Variants in BRINP3 observed in about 807,000 individuals in gnomAD.
BRINP3 encodes the protein BMP/retinoic acid inducible neural specific 3.
In BRINP3, 19 loss-of-function variants were observed where a neutral mutation model predicts 71.0. That is an observed-to-expected ratio of 0.27 (90% CI 0.19 to 0.39). The LOEUF (loss-of-function observed/expected upper bound fraction) is 0.39, where lower values mean the gene tolerates loss of function less well. Among genes scored for constraint, BRINP3 ranks in the 10% least tolerant of loss-of-function variants. The pLI is 1.00. For missense variants in BRINP3, 959 were observed against 940.8 expected, an observed-to-expected ratio of 1.02 and a Z score of -0.25; for synonymous variants, 380 against 337.7, an observed-to-expected ratio of 1.13 and a Z score of -1.37.
Position 190,226,387 on chromosome 1 carries a change from A to T in BRINP3, c.725-69T>A, listed in dbSNP as rs61819046. 5,198 of 837,298 alleles carry T rather than the reference A, an allele frequency of 6.2e-3. 25 individuals carry two copies. The highest frequency in any genetic ancestry group is 7.7e-3 in the Non-Finnish European group (4,369 of 564,722). 51.9% of individuals were successfully genotyped at this position (837,298 alleles called of 1,614,324 possible). ...GAAAAAATTAAAATACTTATTTATA[A>T]TATTCAATCAAAACAGTAAATAATT... On this transcript the variant is annotated intron_variant, in intron 5 of 7. Coordinates refer to ENST00000367462, the MANE Select transcript of BRINP3 (RefSeq NM_199051.3).
At position 190,365,814 on chromosome 1, in the gene BRINP3, A is replaced by G. The variant is rs1010981591; in HGVS notation, c.237-84064T>C. ...ACAATGAGAGAGCAAGTGTATATAT[A>G]TATATATATATATATATATATACAC... On this transcript the variant is annotated intron_variant, in intron 2 of 7. Transcript: ENST00000367462. Among the ~76,000 whole-genome samples, 39 of 144,862 alleles carry G rather than the reference A, an allele frequency of 2.7e-4. 1 individual carries two copies. The highest frequency in any genetic ancestry group is 9.0e-4 in the African/African-American group (36 of 39,884).
chr1:190,273,591 C>A (rs1408009692), intron 3 of BRINP3, among the ~76,000 whole-genome samples: 5 of 151,456 alleles, frequency 3.3e-5, no homozygotes. Flanking sequence ...AAAAAATCAC[C>A]ATTTTAATGT....
At chr1:190,111,198 A>AC (rs1173653296) in intron 7 of BRINP3, among the ~76,000 whole-genome samples, 7 of 150,510 alleles carry the variant, frequency 4.7e-5, no homozygotes, top group Non-Finnish European at 3.0e-5. Flanking sequence ...AAAAAAAAAA[A>AC]AAAAAAAAAA....
intron 6 of BRINP3, among the ~76,000 whole-genome samples, chr1:190,193,242 A>AAAAT (rs1455325142): frequency 3.9e-5 from 6 of 152,126 alleles, no homozygotes; most frequent in African/African-American, 1.4e-4. Flanking sequence ...ATATTAAAAA[A>AAAAT]AAATAGTCAT....
At chr1:190,355,309 C>G (rs974999828) in intron 2 of BRINP3, among the ~76,000 whole-genome samples, 1 of 151,702 alleles carries the variant, frequency 6.6e-6, no homozygotes, top group African/African-American at 2.4e-5. Context: ...ACAAAATTGC[C>G]AGATTAAGGA....
intron 3 of BRINP3, among the ~76,000 whole-genome samples, chr1:190,280,564 G>T (rs1662959341): frequency 2.0e-5 from 3 of 151,834 alleles, no homozygotes. Context: ...GACATGACTT[G>T]CTGAAAGACT....
chr1:190,289,270 C>G (rs1423608537), intron 2 of BRINP3, among the ~76,000 whole-genome samples: 1 of 151,670 alleles, frequency 6.6e-6, no homozygotes, highest in African/African-American at 2.4e-5. Context: ...TTACATTTTT[C>G]CTGAAATATG....
chr1:190,191,030 G>C (rs1653988195), intron 6 of BRINP3, among the ~76,000 whole-genome samples: 1 of 152,104 alleles, frequency 6.6e-6, no homozygotes, highest in South Asian at 2.1e-4. Context: ...AATTGCATTG[G>C]AAATCAGAGC....
At chr1:190,233,729 A>G (rs1658232690) in intron 5 of BRINP3, among the ~76,000 whole-genome samples, 1 of 152,200 alleles carries the variant, frequency 6.6e-6, no homozygotes, top group African/African-American at 2.4e-5. Context: ...GTGTGTATTC[A>G]TAACCTGTTC....
At chr1:190,445,069 A>C (rs571403699) in intron 2 of BRINP3, among the ~76,000 whole-genome samples, 190 of 152,282 alleles carry the variant, frequency 1.2e-3, no homozygotes, top group African/African-American at 4.2e-3. Context: ...GAAAATTATT[A>C]TATCCTAAGG....
At chr1:190,290,468 G>A (rs1571646398) in intron 2 of BRINP3, among the ~76,000 whole-genome samples, 1 of 151,978 alleles carries the variant, frequency 6.6e-6, no homozygotes, top group East Asian at 1.9e-4. Context: ...ATCTTTTATG[G>A]GCGAAATAAA....
At chr1:190,477,123 C>T (rs1171050) in intron 1 of BRINP3, among the ~76,000 whole-genome samples, 56,463 of 151,758 alleles carry the variant, frequency 0.37, 11,794 homozygotes, top group Non-Finnish European at 0.47. Flanking sequence ...TTTCAAATGG[C>T]ACAGGAATGT....
At chr1:190,470,958 G>A (rs1677098825) in intron 1 of BRINP3, among the ~76,000 whole-genome samples, 1 of 151,066 alleles carries the variant, frequency 6.6e-6, no homozygotes, top group South Asian at 2.1e-4. Flanking sequence ...AGAACTGTAT[G>A]AATGAATACT....
At chr1:190,100,937 T>C (rs1218288992) in intron 7 of BRINP3, among the ~76,000 whole-genome samples, 1 of 152,110 alleles carries the variant, frequency 6.6e-6, no homozygotes, top group Non-Finnish European at 1.5e-5. Flanking sequence ...CTTGGAGAAA[T>C]GCCCTCATGA....
At chr1:190,415,916 TATAC>T (rs1276676552) in intron 2 of BRINP3, among the ~76,000 whole-genome samples, 2 of 152,170 alleles carry the variant, frequency 1.3e-5, no homozygotes, top group Non-Finnish European at 2.9e-5. Context: ...CTTAAATTAA[TATAC>T]ATACATATAT....
At chr1:190,406,800 A>G (rs551531338) in intron 2 of BRINP3, among the ~76,000 whole-genome samples, 13 of 147,456 alleles carry the variant, frequency 8.8e-5, no homozygotes, top group African/African-American at 3.5e-4. Context: ...AAATAATTAT[A>G]AGATTATTTA....
intron 2 of BRINP3, among the ~76,000 whole-genome samples, chr1:190,422,980 G>T (rs958822624): frequency 4.0e-5 from 6 of 151,616 alleles, no homozygotes; most frequent in Admixed American, 1.3e-4. Context: ...TTTCTCATCT[G>T]ATTTTTGAAG....
chr1:190,242,710 A>T (rs974353942), intron 4 of BRINP3, among the ~76,000 whole-genome samples: 2 of 152,112 alleles, frequency 1.3e-5, no homozygotes, highest in African/African-American at 4.8e-5. Flanking sequence ...TACTCGAAAC[A>T]TAAGGATCGA....
chr1:190,341,906 T>C (rs74130703), intron 2 of BRINP3, among the ~76,000 whole-genome samples: 3,538 of 151,906 alleles, frequency 0.023, 124 homozygotes, highest in African/African-American at 0.077. Flanking sequence ...ACAATTATGT[T>C]AAAGTTTTGC....
Sources: allele counts gnomAD v4.1 joint callset (sites outside exome capture counted in the v4.1 genomes callset), GRCh38; gene constraint gnomAD v4.1.1; transcripts MANE v1.5; gene names NCBI Gene and HGNC (gene_info 2026-07-23, HGNC 2026-07-21).